Variants in KLHL10 observed in about 807,000 individuals in gnomAD.
KLHL10 encodes the protein kelch like family member 10.
KLHL10 carries 11 observed loss-of-function variants against 46.6 expected under a neutral mutation model. That is an observed-to-expected ratio of 0.24 (90% CI 0.15 to 0.39). The LOEUF is 0.39. Among genes scored for constraint, KLHL10 ranks in the 10% least tolerant of loss-of-function variants. KLHL10 has a pLI of 1.00. For synonymous variants in KLHL10, 254 were observed against 279.1 expected (o/e 0.91, Z 0.90); for missense variants, 475 against 789.8 (o/e 0.60, Z 4.78).
intron 1 of KLHL10, 94 bp downstream of exon 1, chr17:41,838,220 CT>C: frequency 9.0e-7 from 1 of 1,116,078 alleles, no homozygotes; most frequent in Non-Finnish European, 1.4e-6. Context: ...ATCACCTTAA[CT>C]TTAGGGACAC....
At chr17:41,839,881 TTTTC>T (rs1462398337) in intron 1 of KLHL10, among the ~76,000 whole-genome samples, 1 of 62,622 alleles carries the variant, frequency 1.6e-5, no homozygotes, top group African/African-American at 5.4e-5. Flanking sequence ...TCTGGCTAAT[TTTTC>T]TTTTTTTTTT....
chr17:41,837,147 C>T (rs1235516202), upstream of KLHL10, among the ~76,000 whole-genome samples: 1 of 152,116 alleles, frequency 6.6e-6, no homozygotes, highest in African/African-American at 2.4e-5. Context: ...GGTGAGAGAG[C>T]GAGACCCGTC....
chr17:41,843,893 C>CT (rs34542094), intron 2 of KLHL10, among the ~76,000 whole-genome samples: 6,803 of 151,914 alleles, frequency 0.045, 509 homozygotes, highest in African/African-American at 0.16. Context: ...TCCCCAGTAG[C>CT]TGGGACTACA....
At chr17:41,847,547 C>G in intron 4 of KLHL10, 137 bp downstream of exon 4, 1 of 1,001,542 alleles carries the variant, frequency 1.0e-6, no homozygotes, top group Admixed American at 2.0e-5. Context: ...GCTCTGTTGC[C>G]CAGGCTGTAC....
chr17:41,847,886 C>A, intron 4 of KLHL10, 47 bp from the exon 5 acceptor site: 2 of 1,612,024 alleles, frequency 1.2e-6, no homozygotes, highest in Non-Finnish European at 1.7e-6. Context: ...CCTCAGTGAA[C>A]AGAATCAATG....
At chr17:41,847,094 C>T (rs572717895) in intron 3 of KLHL10, among the ~76,000 whole-genome samples, 167 bp from the exon 4 acceptor site, 60 of 152,126 alleles carry the variant, frequency 3.9e-4, no homozygotes, top group Non-Finnish European at 5.0e-4. Flanking sequence ...GGTGACAGAG[C>T]GAGACTCTGT....
chr17:41,835,911 C>G (rs781980369), upstream of KLHL10: 9 of 1,607,420 alleles, frequency 5.6e-6, no homozygotes, highest in East Asian at 9.0e-5. Flanking sequence ...CTCCTGCACC[C>G]GCCCAGGCTG....
chr17:41,842,712 C>T (rs890261252), intron 2 of KLHL10, among the ~76,000 whole-genome samples: 14 of 151,932 alleles, frequency 9.2e-5, no homozygotes, highest in Non-Finnish European at 5.9e-5. Flanking sequence ...CCAAGATGGG[C>T]GGATTACCTG....
chr17:41,841,762 A>G lies in KLHL10; in HGVS notation c.195-61A>G, dbSNP rs782307083. 6.0e-5 allele frequency: 97 copies of G among 1,607,538 alleles called. No individual in the cohort carries two copies. The Middle Eastern group carries it at 8.3e-4, about 14-fold the overall frequency. On this transcript the variant is annotated intron_variant, in intron 1 of 4. Coordinates refer to ENST00000293303, the MANE Select transcript of KLHL10 (RefSeq NM_152467.5). ...ACCCCACTTTCTCAGACCATTTCCAATGTACTCACCTAACAGGAGAGAAAT... is the reference window on the plus strand; with the variant it reads ...ACCCCACTTTCTCAGACCATTTCCAGTGTACTCACCTAACAGGAGAGAAAT...
At chr17:41,837,451 C>A, upstream of KLHL10, 1 of 645,144 alleles carries the variant, frequency 1.6e-6, no homozygotes, top group Non-Finnish European at 1.9e-6. Context: ...TGCGCCCGGC[C>A]TAAGAAAGAA....
chr17:41,839,589 CTATTT>C (rs1431953540), intron 1 of KLHL10, among the ~76,000 whole-genome samples: 1 of 152,200 alleles, frequency 6.6e-6, no homozygotes, highest in Non-Finnish European at 1.5e-5. Flanking sequence ...GGTAGAAGGG[CTATTT>C]TGTTCATGAG....
chr17:41,847,410 G>A lies in KLHL10; in HGVS notation c.1452G>A (p.Ala484=), dbSNP rs2144141761. 3 of 1,613,862 alleles carry A rather than the reference G, an allele frequency of 1.9e-6. No homozygotes were observed. Among genetic ancestry groups the A allele is most frequent in the East Asian group, 2.2e-5 (1 of 44,856 alleles). Residue 484 remains alanine, a splice_region_variant and synonymous_variant, in exon 4 of 5, where the codon GCG becomes GCA. Transcript: ENST00000293303. ...TTGCTTATGGAGAACATGTATATGC[G>A]GTAAGTTTATCTAGTACCACACACA... ...GVIAYGEHVY[A]VGGFDGANRL...
At position 41,845,515 on chromosome 17, in the gene KLHL10, T is replaced by G. The variant is rs1555621276; in HGVS notation, c.1074T>G (p.Arg358=). 1 of 1,614,216 alleles carries G rather than the reference T, an allele frequency of 6.2e-7. No homozygotes were observed. ...TAGACTATTTCAATAGTGTTAAGCG[T>G]TTTGACCCAGTCAAGAAAACTTGGC... ...DSVDYFNSVK[R]FDPVKKTWHQ... is the part of the protein sequence containing the mutation. The change falls in exon 3 of 5, where the codon CGT becomes CGG. Residue 358 remains arginine (R), a synonymous_variant. Coordinates refer to ENST00000293303, the MANE Select transcript of KLHL10 (RefSeq NM_152467.5).
At chr17:41,842,519 T>C (rs1320683925) in intron 2 of KLHL10, among the ~76,000 whole-genome samples, 2 of 152,092 alleles carry the variant, frequency 1.3e-5, no homozygotes, top group Non-Finnish European at 2.9e-5. Context: ...TTCCTGGTGG[T>C]GGGGGAAGAA....
At chr17:41,839,053 G>A (rs4513146) in intron 1 of KLHL10, among the ~76,000 whole-genome samples, 1 of 151,818 alleles carries the variant, frequency 6.6e-6, no homozygotes, top group African/African-American at 2.4e-5. Context: ...ATGCAGTGGC[G>A]TGATCTCGGC....
intron 3 of KLHL10, among the ~76,000 whole-genome samples, chr17:41,845,959 C>T (rs1325245715): frequency 6.6e-6 from 1 of 152,146 alleles, no homozygotes; most frequent in Non-Finnish European, 1.5e-5. Context: ...AGCCCGTAAT[C>T]CCAGCACTTT....
At chr17:41,845,810 T>G (rs1198277160) in intron 3 of KLHL10, 67 bp downstream of exon 3, 7 of 1,601,458 alleles carry the variant, frequency 4.4e-6, no homozygotes, top group Non-Finnish European at 6.0e-6. Flanking sequence ...ATACTGCTCT[T>G]TTTTGGGGTG....
upstream of KLHL10, chr17:41,836,532 C>A: frequency 1.1e-6 from 1 of 890,048 alleles, no homozygotes; most frequent in Non-Finnish European, 1.3e-6. Context: ...GTGACAAAAA[C>A]ATGACTGGGG....
intron 1 of KLHL10, among the ~76,000 whole-genome samples, chr17:41,839,528 G>A (rs2048205707): frequency 6.6e-6 from 1 of 152,144 alleles, no homozygotes; most frequent in South Asian, 2.1e-4. Flanking sequence ...AAATACCCAG[G>A]AAATATCAGA....
Sources: allele counts gnomAD v4.1 joint callset (sites outside exome capture counted in the v4.1 genomes callset), GRCh38; gene constraint gnomAD v4.1.1; transcripts MANE v1.5; gene names NCBI Gene and HGNC (gene_info 2026-07-23, HGNC 2026-07-21).